GPC6: variants seen among roughly 807,000 people sequenced by gnomAD.
The protein encoded by GPC6 is glypican 6.
In GPC6, 14 loss-of-function variants were observed where a neutral mutation model predicts 55.2. That is an observed-to-expected ratio of 0.25 (90% confidence interval 0.17 to 0.40). The LOEUF (loss-of-function observed/expected upper bound fraction) is 0.40. GPC6 is among the 10% of genes least tolerant of loss of function. The pLI is 1.00. For missense variants in GPC6, 641 were observed against 708.5 expected, an observed-to-expected ratio of 0.90 and a Z score of 1.08; for synonymous variants, 278 against 259.6, an observed-to-expected ratio of 1.07 and a Z score of -0.68.
At chr13:94,290,156 C>T (rs1874875569) in intron 5 of GPC6, among the ~76,000 whole-genome samples, 2 of 152,042 alleles carry the variant, frequency 1.3e-5, no homozygotes, top group Non-Finnish European at 2.9e-5. Context: ...GGTGTGGTGG[C>T]TCTCACCTGT....
At chr13:93,549,681 C>T (rs746544879) in intron 2 of GPC6, among the ~76,000 whole-genome samples, 1 of 152,046 alleles carries the variant, frequency 6.6e-6, no homozygotes, top group African/African-American at 2.4e-5. Flanking sequence ...CTCTATCTCA[C>T]CCTGCTGGGC....
chr13:93,880,403 A>C (rs557866848), intron 3 of GPC6, among the ~76,000 whole-genome samples: 1 of 152,144 alleles, frequency 6.6e-6, no homozygotes, highest in South Asian at 2.1e-4. Context: ...TGATGAGTTC[A>C]TGTCCTTTGT....
chr13:93,927,297 G>A (rs1877910810), intron 3 of GPC6, among the ~76,000 whole-genome samples: 1 of 152,162 alleles, frequency 6.6e-6, no homozygotes, highest in Non-Finnish European at 1.5e-5. Flanking sequence ...TCTGTGCAAA[G>A]ATAGACTATG....
intron 4 of GPC6, among the ~76,000 whole-genome samples, chr13:94,121,299 T>C (rs938168727): frequency 1.3e-5 from 2 of 152,176 alleles, no homozygotes; most frequent in Non-Finnish European, 2.9e-5. Flanking sequence ...ATAAAGACGG[T>C]TGGCATTAGT....
intron 1 of GPC6, among the ~76,000 whole-genome samples, chr13:93,427,082 G>C (rs71429522): frequency 6.8e-6 from 1 of 148,042 alleles, no homozygotes; most frequent in African/African-American, 2.5e-5. Flanking sequence ...TTTTGATGGG[G>C]TTGTTTGTTT....
chr13:93,887,424 C>T (rs150898587), intron 3 of GPC6, among the ~76,000 whole-genome samples: 8 of 151,962 alleles, frequency 5.3e-5, no homozygotes, highest in East Asian at 1.9e-4. Flanking sequence ...ATTAGAAAAT[C>T]GAAGACTGAA....
At chr13:93,837,548 A>G (rs1170935074) in intron 3 of GPC6, among the ~76,000 whole-genome samples, 1 of 152,188 alleles carries the variant, frequency 6.6e-6, no homozygotes, top group Non-Finnish European at 1.5e-5. Context: ...TGTATTTTGT[A>G]TGTCAAGTAC....
intron 3 of GPC6, among the ~76,000 whole-genome samples, chr13:93,867,228 G>A (rs1888991962): frequency 6.6e-6 from 1 of 151,684 alleles, no homozygotes. Context: ...GTTACAGTTT[G>A]TTCTAGAAAA....
chr13:93,998,394 T>C (rs1046314189), intron 3 of GPC6, among the ~76,000 whole-genome samples: 1 of 152,196 alleles, frequency 6.6e-6, no homozygotes, highest in African/African-American at 2.4e-5. Flanking sequence ...CAAACCAATA[T>C]GCACAAAACT....
intron 4 of GPC6, among the ~76,000 whole-genome samples, chr13:94,263,642 G>A (rs1488298634): frequency 6.6e-6 from 1 of 152,100 alleles, no homozygotes; most frequent in Non-Finnish European, 1.5e-5. Flanking sequence ...GACATCTTAG[G>A]CACACCTTTG....
At chr13:94,313,733 G>A (rs767128802) in intron 6 of GPC6, among the ~76,000 whole-genome samples, 4 of 152,106 alleles carry the variant, frequency 2.6e-5, no homozygotes, top group Non-Finnish European at 5.9e-5. Flanking sequence ...TATTGGGGGC[G>A]ATTTGTTAAC....
At chr13:93,455,204 C>T (rs1327397810) in intron 1 of GPC6, among the ~76,000 whole-genome samples, 1 of 152,152 alleles carries the variant, frequency 6.6e-6, no homozygotes, top group South Asian at 2.1e-4. Context: ...GAGCCGGCTC[C>T]GGCCTTGGCC....
At chr13:93,269,127 G>T (rs747682047) in intron 1 of GPC6, among the ~76,000 whole-genome samples, 23 of 152,244 alleles carry the variant, frequency 1.5e-4, no homozygotes, top group African/African-American at 4.8e-4. Context: ...GTTAAAGGTA[G>T]GTTTGGAAAG....
At chr13:93,593,657 A>G (rs962803522) in intron 2 of GPC6, among the ~76,000 whole-genome samples, 5 of 152,104 alleles carry the variant, frequency 3.3e-5, no homozygotes, top group African/African-American at 4.8e-5. Flanking sequence ...AAAATATCCA[A>G]TTATTCATTG....
rs190424428 is a variant in GPC6 at position 93,727,595 on chromosome 13, C to T, written c.320-102559C>T. 2.2e-3 allele frequency among the ~76,000 whole-genome samples: 333 copies of T among 152,266 alleles called. 2 individuals carry two copies. Among genetic ancestry groups the T allele is most frequent in the African/African-American group, 7.1e-3 (296 of 41,570 alleles). The stretch of plus-strand genomic sequence containing the variant: ...CCATATTATCTAAATCACATCTACT[C>T]ATCTCTGATGTTATAACATGAAACC... On this transcript the variant is annotated intron_variant, in intron 2 of 8. Coordinates refer to ENST00000377047, the MANE Select transcript of GPC6 (RefSeq NM_005708.5).
chr13:93,888,942 T>A (rs1183891697), intron 3 of GPC6, among the ~76,000 whole-genome samples: 1 of 152,102 alleles, frequency 6.6e-6, no homozygotes, highest in Non-Finnish European at 1.5e-5. Flanking sequence ...ATTTTGTAAG[T>A]AATTTTGAGC....
At chr13:93,301,037 C>T (rs1878661332) in intron 1 of GPC6, among the ~76,000 whole-genome samples, 1 of 151,910 alleles carries the variant, frequency 6.6e-6, no homozygotes, top group East Asian at 1.9e-4. Flanking sequence ...AAAAAGAAAA[C>T]CTTGTTGCTT....
chr13:94,053,591 A>C (rs2183100), intron 4 of GPC6, among the ~76,000 whole-genome samples: 7,617 of 152,152 alleles, frequency 0.05, 547 homozygotes, highest in African/African-American at 0.16. Flanking sequence ...GAGAACAATC[A>C]CACTTGTCCC....
chr13:93,378,029 G>T (rs1408020266), intron 1 of GPC6, among the ~76,000 whole-genome samples: 1 of 152,082 alleles, frequency 6.6e-6, no homozygotes, highest in African/African-American at 2.4e-5. Context: ...TTTCTAATTT[G>T]CTTTTTATTT....
Sources: gnomAD v4.1 joint callset for allele counts (sites outside exome capture counted in the v4.1 genomes callset) on GRCh38, gnomAD v4.1.1 for gene constraint, MANE v1.5 for transcripts, NCBI Gene and HGNC (gene_info 2026-07-23, HGNC 2026-07-21) for gene names.